The following PDE10A variants were observed in gnomAD, a reference collection of about 807,000 sequenced individuals.
The protein encoded by PDE10A is cAMP and cAMP-inhibited cGMP 3',5'-cyclic phosphodiesterase 10A.
Under a neutral mutation model 97.7 loss-of-function variants are expected in PDE10A, and 39 were observed. The observed-to-expected ratio is 0.40, with a 90% CI of 0.31 to 0.52. The LOEUF is 0.52. Ranked by LOEUF, PDE10A falls within the 20% of genes least tolerant of loss-of-function variation. The pLI, the probability that PDE10A is intolerant of heterozygous loss-of-function variation, is 0.56. For missense variants in PDE10A, 731 were observed against 1,047.8 expected, an observed-to-expected ratio of 0.70 and a Z score of 4.17; for synonymous variants, 371 against 376.8, an observed-to-expected ratio of 0.98 and a Z score of 0.18.
At chr6:165,912,204 A>G (rs954360698) in intron 1 of PDE10A, among the ~76,000 whole-genome samples, 1 of 151,730 alleles carries the variant, frequency 6.6e-6, no homozygotes, top group Non-Finnish European at 1.5e-5. Context: ...TCATCTATCC[A>G]TCTATTGATC....
intron 1 of PDE10A, among the ~76,000 whole-genome samples, chr6:165,614,036 C>CA (rs1357218646): frequency 6.6e-6 from 1 of 152,176 alleles, no homozygotes; most frequent in Non-Finnish European, 1.5e-5. Flanking sequence ...CTGCCGTGTG[C>CA]AACCATTAAG....
chr6:165,618,294 C>G lies in PDE10A; in HGVS notation c.865+43653G>C, dbSNP rs542565299. On this transcript the variant is annotated intron_variant, in intron 1 of 21. Transcript: ENST00000539869. ...TAACAAGAATTTAACTTGCAGGCTA[C>G]AAGGGTAATAAAGAAATGGGGAAAA... Among the ~76,000 whole-genome samples, 6 of 152,020 alleles carry G rather than the reference C, an allele frequency of 3.9e-5. No homozygotes were observed. The South Asian group carries it at 1.2e-3, about 32-fold the overall frequency.
intron 1 of PDE10A, among the ~76,000 whole-genome samples, chr6:165,693,049 G>A (rs1791347108): frequency 6.6e-6 from 1 of 152,108 alleles, no homozygotes; most frequent in Non-Finnish European, 1.5e-5. Flanking sequence ...AGTGCTAGGT[G>A]TCACATTTTA....
chr6:165,894,747 A>G lies in PDE10A; in HGVS notation c.-615+92782T>C, dbSNP rs1427956975. ...AAAATGCATATAAATATGTGTTCAT[A>G]TTGTGTTATAATATTATGTGATAAT... On this transcript the variant is annotated intron_variant, in intron 1 of 19. Transcript: ENST00000366882. The G allele has an allele frequency of 1.8e-5, 6 of 329,420 alleles. 1 individual carries two copies. Among genetic ancestry groups the G allele is most frequent in the Admixed American group, 7.9e-5 (2 of 25,284 alleles). 20.4% of individuals were successfully genotyped at this position (329,420 alleles called of 1,614,324 possible).
At chr6:165,523,168 CAATATAATT>C (rs1362688801) in intron 2 of PDE10A, among the ~76,000 whole-genome samples, 11 of 152,138 alleles carry the variant, frequency 7.2e-5, no homozygotes, top group African/African-American at 2.4e-4. Flanking sequence ...TTGAAAGAAA[CAATATAATT>C]AAAATGGCCT....
At chr6:165,806,177 C>T (rs1039647972) in intron 1 of PDE10A, among the ~76,000 whole-genome samples, 1 of 151,742 alleles carries the variant, frequency 6.6e-6, no homozygotes, top group Admixed American at 6.6e-5. Context: ...GACACAGCCA[C>T]ACGTCTACAG....
At chr6:165,941,950 G>T (rs1468623258) in intron 1 of PDE10A, among the ~76,000 whole-genome samples, 1 of 151,944 alleles carries the variant, frequency 6.6e-6, no homozygotes, top group Non-Finnish European at 1.5e-5. Context: ...ATCTTCCCTG[G>T]GCACTTCAGG....
intron 1 of PDE10A, among the ~76,000 whole-genome samples, chr6:165,804,685 C>A (rs1377752526): frequency 1.3e-5 from 2 of 151,736 alleles, no homozygotes; most frequent in African/African-American, 4.8e-5. Context: ...CGCGTGGTCG[C>A]GAAGGGGAAG....
chr6:165,823,210 A>G (rs1161182650), intron 1 of PDE10A, among the ~76,000 whole-genome samples: 2 of 151,660 alleles, frequency 1.3e-5, no homozygotes, highest in Non-Finnish European at 2.9e-5. Flanking sequence ...CATGCTGTAC[A>G]AAATATTTTC....
At chr6:165,730,778 G>GC (rs1792414258) in intron 1 of PDE10A, among the ~76,000 whole-genome samples, 1 of 141,932 alleles carries the variant, frequency 7.0e-6, no homozygotes, top group South Asian at 2.3e-4. Context: ...GGGCCCGGTG[G>GC]CTCACGCCTG....
intron 1 of PDE10A, among the ~76,000 whole-genome samples, chr6:165,688,899 G>A (rs1791196328): frequency 6.6e-6 from 1 of 152,114 alleles, no homozygotes; most frequent in Admixed American, 6.5e-5. Flanking sequence ...AATGTGGCAG[G>A]GGAGGAATGA....
At chr6:165,544,743 G>T (rs923500579) in intron 1 of PDE10A, among the ~76,000 whole-genome samples, 1 of 151,980 alleles carries the variant, frequency 6.6e-6, no homozygotes, top group African/African-American at 2.4e-5. Flanking sequence ...CAACTGTTGG[G>T]ATTCTACAAC....
chr6:165,953,121 C>T (rs1784019320), intron 1 of PDE10A, among the ~76,000 whole-genome samples: 1 of 152,190 alleles, frequency 6.6e-6, no homozygotes, highest in African/African-American at 2.4e-5. Context: ...TTAGGACTTG[C>T]TCTATGACTT....
Position 165,588,363 on chromosome 6 carries a change from T to C in PDE10A, c.866-44795A>G, listed in dbSNP as rs904694851. Among the ~76,000 whole-genome samples the C allele has an allele frequency of 6.9e-5, 10 of 144,254 alleles. No individual in the cohort carries two copies. In the Admixed American group the frequency reaches 7.4e-4, roughly 11 times the overall value. The allele number at this position is 144,254 out of a possible 152,430, so 94.6% of individuals were successfully genotyped here. A position where few individuals can be genotyped will look rare whatever the true frequency, so the allele number is the denominator to read the frequency against. On this transcript the variant is annotated intron_variant, in intron 1 of 21. Coordinates refer to ENST00000539869, the MANE Select transcript of PDE10A (RefSeq NM_001385079.1). ...TGGAGTGCAATGGCATGATCTCGGC[T>C]CACTGCAACCTCCACCTCCTAGGTT...
At chr6:165,525,308 T>C (rs1454014441) in intron 2 of PDE10A, among the ~76,000 whole-genome samples, 1 of 152,122 alleles carries the variant, frequency 6.6e-6, no homozygotes, top group Non-Finnish European at 1.5e-5. Context: ...ATTTACTGAT[T>C]TGGGCCCACT....
At chr6:165,492,291 G>A (rs1248260766) in intron 2 of PDE10A, among the ~76,000 whole-genome samples, 6 of 152,102 alleles carry the variant, frequency 3.9e-5, no homozygotes, top group Non-Finnish European at 8.8e-5. Flanking sequence ...AAGAAGAATT[G>A]GTACCAATCC....
At chr6:165,669,815 T>C (rs1308744359) in intron 1 of PDE10A, among the ~76,000 whole-genome samples, 1 of 152,214 alleles carries the variant, frequency 6.6e-6, no homozygotes, top group Non-Finnish European at 1.5e-5. Context: ...ACTTTCTACT[T>C]ATTATAAGAA....
At chr6:165,370,847 A>C (rs1283042275) in intron 18 of PDE10A, among the ~76,000 whole-genome samples, 1 of 150,082 alleles carries the variant, frequency 6.7e-6, no homozygotes, top group Non-Finnish European at 1.5e-5. Context: ...CTCCTCAGCA[A>C]ATGTAAAAGA....
chr6:165,667,585 A>G (rs1018614225), upstream of PDE10A, among the ~76,000 whole-genome samples: 7 of 151,626 alleles, frequency 4.6e-5, no homozygotes, highest in Non-Finnish European at 8.8e-5. Context: ...TTAAAACAAT[A>G]TTTCAAATAG....
Sources: gnomAD v4.1 joint callset for allele counts (sites outside exome capture counted in the v4.1 genomes callset) on GRCh38, gnomAD v4.1.1 for gene constraint, MANE v1.5 for transcripts, NCBI Gene and HGNC (gene_info 2026-07-23, HGNC 2026-07-21) for gene names.